Variants in ZMYND8 observed in about 807,000 individuals in gnomAD.
The protein encoded by ZMYND8 is zinc finger MYND-type containing 8, also known as MYND-type zinc finger-containing chromatin reader ZMYND8.
In ZMYND8, 37 loss-of-function variants were observed where a neutral mutation model predicts 140.8. That is an observed-to-expected ratio of 0.26 (90% CI 0.20 to 0.35). The LOEUF (loss-of-function observed/expected upper bound fraction) is 0.35. Ranked by LOEUF, ZMYND8 falls within the 10% of genes least tolerant of loss-of-function variation. The pLI is 1.00. For missense variants in ZMYND8, 1,068 were observed against 1,570.0 expected (o/e 0.68, Z 5.40); for synonymous variants, 592 against 597.1 (o/e 0.99, Z 0.12).
At chr20:47,334,561 A>G (rs2081231197) in intron 2 of ZMYND8, among the ~76,000 whole-genome samples, 1 of 151,226 alleles carries the variant, frequency 6.6e-6, no homozygotes, top group African/African-American at 2.4e-5. Context: ...ATGAAAATCT[A>G]CAACTGATTG....
intron 4 of ZMYND8, among the ~76,000 whole-genome samples, chr20:47,295,254 A>G (rs914072228): frequency 2.6e-5 from 4 of 152,140 alleles, no homozygotes; most frequent in Non-Finnish European, 4.4e-5. Flanking sequence ...CTAGCCAGGC[A>G]TGGTGGCACG....
chr20:47,232,359 C>T (rs185808594), intron 16 of ZMYND8, among the ~76,000 whole-genome samples: 10 of 143,806 alleles, frequency 7.0e-5, no homozygotes, highest in Admixed American at 4.7e-4. Context: ...AGAGTGAGAC[C>T]TTGTCTCAAA....
At chr20:47,255,545 CCATATA>C (rs2074537109) in intron 12 of ZMYND8, among the ~76,000 whole-genome samples, 1 of 130,618 alleles carries the variant, frequency 7.7e-6, no homozygotes, top group Non-Finnish European at 1.6e-5. Flanking sequence ...TATATACACA[CCATATA>C]CATATACTCA....
intron 14 of ZMYND8, among the ~76,000 whole-genome samples, chr20:47,241,776 C>T (rs2039997547): frequency 6.6e-6 from 1 of 151,808 alleles, no homozygotes; most frequent in Non-Finnish European, 1.5e-5. Context: ...TCCCTGACAT[C>T]AAACTCCTTT....
chr20:47,314,420 C>T (rs557480898), intron 2 of ZMYND8, among the ~76,000 whole-genome samples: 4 of 151,786 alleles, frequency 2.6e-5, no homozygotes, highest in South Asian at 4.2e-4. Flanking sequence ...AATCACTTGG[C>T]GCCAGGAGGC....
At chr20:47,338,916 G>T (rs1363446245) in intron 2 of ZMYND8, among the ~76,000 whole-genome samples, 2 of 151,790 alleles carry the variant, frequency 1.3e-5, no homozygotes, top group African/African-American at 2.4e-5. Flanking sequence ...ATGGAGAGAA[G>T]CAAATTCCTA....
Position 47,210,898 on chromosome 20 carries a change from C to A in ZMYND8, c.3569-1G>T. On this transcript the variant is annotated splice_acceptor_variant, in intron 22 of 22. Coordinates refer to ENST00000471951, the MANE Select transcript of ZMYND8 (RefSeq NM_001281775.3). LOFTEE classifies it high-confidence loss of function. Reference sequence around the variant, plus strand: ...CTGGATTTATTACTCCGGGAATGGTCTGAGGGGGAAAACCAATGTGTTTAG... The same window carrying A: ...CTGGATTTATTACTCCGGGAATGGTATGAGGGGGAAAACCAATGTGTTTAG... The A allele has an allele frequency of 6.2e-7, 1 of 1,613,346 alleles. No homozygotes were observed. The highest frequency in any genetic ancestry group is 8.5e-7 in the Non-Finnish European group (1 of 1,179,384).
intron 5 of ZMYND8, 29 bp from the exon 6 acceptor site, chr20:47,291,917 G>A (rs371373372): frequency 3.2e-5 from 50 of 1,583,094 alleles, no homozygotes; most frequent in African/African-American, 8.1e-5. Flanking sequence ...GCAGAGGAAC[G>A]AACCCATCAT....
rs760967153 is a variant in ZMYND8, at chr20:47,221,334, T to C, written c.3397A>G (p.Lys1133Glu). 1 of 1,614,178 alleles carries C rather than the reference T, an allele frequency of 6.2e-7. No individual in the cohort carries two copies. Among genetic ancestry groups the C allele is most frequent in the Admixed American group, 1.7e-5 (1 of 60,028 alleles). ...ASKEKETSAE[K>E]SKESGSTLDL... ...CTCACCGAGCCACTCTCCTTGCTTT[T>C]CTCAGCTGACGTCTCCTTCTCTTTG... Residue 1133 changes from lysine (K) to glutamate (E), a missense_variant, in exon 20 of 23, where the codon AAA becomes GAA. By Grantham distance (56) the Lys-to-Glu change is moderately conservative (BLOSUM62 1). This residue lies in a region of ZMYND8 where 180 missense variants were observed against 187.8 expected (regional missense o/e 0.96). Transcript: ENST00000471951.
chr20:47,321,601 A>C (rs1404238973), intron 2 of ZMYND8, among the ~76,000 whole-genome samples: 1 of 152,218 alleles, frequency 6.6e-6, no homozygotes, highest in Admixed American at 6.5e-5. Context: ...ATTAAGAAGG[A>C]AAATGATTCC....
chr20:47,245,206 G>C (rs2040417290), intron 14 of ZMYND8, among the ~76,000 whole-genome samples: 1 of 152,290 alleles, frequency 6.6e-6, no homozygotes, highest in Admixed American at 6.5e-5. Context: ...GTGGCATGAG[G>C]GGAGGAAAGC....
At position 47,243,891 on chromosome 20, in the gene ZMYND8, A is replaced by G. The variant is rs187598910; in HGVS notation, c.2284+2117T>C. Among the ~76,000 whole-genome samples, 5 of 152,370 alleles carry G rather than the reference A, an allele frequency of 3.3e-5. No homozygotes were observed. In the East Asian group the frequency reaches 9.6e-4, roughly 29 times the overall value. The stretch of plus-strand genomic sequence containing the variant: ...TATTGTTCTCTGCAACAACAGAGAC[A>G]GTCTCTCAAAACCCAATCCATAACA... On this transcript the variant is annotated intron_variant, in intron 14 of 22. Coordinates refer to ENST00000471951, the MANE Select transcript of ZMYND8 (RefSeq NM_001281775.3).
At chr20:47,258,118 G>A (rs568691865) in intron 12 of ZMYND8, among the ~76,000 whole-genome samples, 7 of 152,242 alleles carry the variant, frequency 4.6e-5, no homozygotes, top group East Asian at 1.9e-4. Context: ...AATTCAGTCC[G>A]ACAATGTGGG....
intron 1 of ZMYND8, chr20:47,351,698 A>G (rs2082797028): frequency 1.0e-6 from 1 of 985,456 alleles, no homozygotes; most frequent in African/African-American, 1.7e-5. Flanking sequence ...GCAGCTTTAT[A>G]TAAGCACTCA....
intron 11 of ZMYND8, among the ~76,000 whole-genome samples, chr20:47,264,103 G>A (rs773144769): frequency 4.6e-5 from 7 of 152,116 alleles, no homozygotes; most frequent in South Asian, 4.1e-4. Context: ...GGCCCCAAAC[G>A]TCAAAAGTGC....
In ZMYND8 at chr20:47,209,906, T is replaced by G. The variant is rs1029000748; in HGVS notation, c.*855A>C. 2.6e-5 allele frequency: 4 copies of G among 152,646 alleles called. No individual in the cohort carries two copies. Among genetic ancestry groups the G allele is most frequent in the African/African-American group, 9.6e-5 (4 of 41,452 alleles). The allele number at this position is 152,646 out of a possible 1,614,324, so 9.5% of individuals were successfully genotyped here. ...CCTTGCTTCCAAGAAGCACAGCATCTCTGACCAAGTGTGTGTGAGTGTGTT... is the reference window on the plus strand; with the variant it reads ...CCTTGCTTCCAAGAAGCACAGCATCGCTGACCAAGTGTGTGTGAGTGTGTT... On this transcript the variant is annotated 3_prime_UTR_variant, in exon 23 of 23. Coordinates refer to ENST00000471951, the MANE Select transcript of ZMYND8 (RefSeq NM_001281775.3).
At chr20:47,332,239 A>C (rs2081017287) in intron 2 of ZMYND8, among the ~76,000 whole-genome samples, 1 of 152,142 alleles carries the variant, frequency 6.6e-6, no homozygotes, top group South Asian at 2.1e-4. Flanking sequence ...TGAACCCGGG[A>C]GGCAGAGGTT....
intron 2 of ZMYND8, among the ~76,000 whole-genome samples, chr20:47,311,121 G>A (rs2078896759): frequency 6.6e-6 from 1 of 152,188 alleles, no homozygotes; most frequent in Non-Finnish European, 1.5e-5. Flanking sequence ...GTGTTTAATA[G>A]GCTATGAACT....
chr20:47,288,031 C>G (rs150290756), intron 7 of ZMYND8, among the ~76,000 whole-genome samples: 1 of 152,146 alleles, frequency 6.6e-6, no homozygotes, highest in Non-Finnish European at 1.5e-5. Flanking sequence ...CTAAACCAGA[C>G]GACAAGATGG....
Sources: allele counts gnomAD v4.1 joint callset (sites outside exome capture counted in the v4.1 genomes callset), GRCh38; gene constraint gnomAD v4.1.1; regional missense constraint gnomAD v4.1.1; transcripts MANE v1.5; gene names NCBI Gene and HGNC (gene_info 2026-07-23, HGNC 2026-07-21).